C9orf152: variants seen among roughly 807,000 people sequenced by gnomAD.
The protein encoded by C9orf152 is uncharacterized protein C9orf152.
C9orf152 carries 8 observed loss-of-function variants against 8.5 expected under a neutral mutation model. That is an observed-to-expected ratio of 0.94 (90% confidence interval 0.55 to 1.70). The LOEUF is 1.70. C9orf152 is among the 40% of genes most tolerant of loss of function. The pLI, the probability that C9orf152 is intolerant of heterozygous loss-of-function variation, is 0.00. For synonymous variants in C9orf152, 109 were observed against 113.0 expected, an observed-to-expected ratio of 0.96 and a Z score of 0.22; for missense variants, 293 against 286.2, an observed-to-expected ratio of 1.02 and a Z score of -0.17.
intron 1 of C9orf152, among the ~76,000 whole-genome samples, chr9:110,206,694 A>G (rs1277372528): frequency 3.3e-5 from 5 of 152,230 alleles, no homozygotes; most frequent in Admixed American, 3.3e-4. Context: ...TGAACTCTAC[A>G]AATAACCACA....
rs140515292 is a variant in C9orf152 at position 110,207,418 on chromosome 9, C to G, written c.162G>C (p.Arg54Ser). The G allele has an allele frequency of 2.8e-4, 454 of 1,613,096 alleles. No homozygotes were observed. The African/African-American group carries it at 5.5e-3, about 20-fold the overall frequency. The change falls in exon 1 of 2, where the codon AGG becomes AGC. Residue 54 changes from arginine to serine, a missense_variant. By Grantham distance (110) the Arg-to-Ser change is moderately radical (BLOSUM62 -1). Coordinates refer to ENST00000400613, the MANE Select transcript of C9orf152 (RefSeq NM_001012993.3). ...AQYEGLKRQQRTQAHLLVLPK... is the reference protein window; with the variant it reads ...AQYEGLKRQQSTQAHLLVLPK... ...GAAGCACCAGGAGGTGGGCCTGGGT[C>G]CTCTGCTGCCTCTTCAAGCCTTCAT...
Position 110,207,485 on chromosome 9 carries a change from C to T in C9orf152, c.95G>A (p.Gly32Glu), listed in dbSNP as rs766304180. The part of the protein sequence containing the change: ...MAEGSRTQAP[G>E]KGPPLSIQFL... Reference sequence around the variant, plus strand: ...CTGGATGCTGAGTGGGGGCCCTTTCCCAGGGGCCTGAGTCCTGGAGCCCTC... The same window carrying T: ...CTGGATGCTGAGTGGGGGCCCTTTCTCAGGGGCCTGAGTCCTGGAGCCCTC... Residue 32 changes from glycine (G) to glutamate (E), a missense_variant, in exon 1 of 2, where the codon GGG becomes GAG. Gly to Glu is a moderately conservative substitution (Grantham distance 98). Coordinates refer to ENST00000400613, the MANE Select transcript of C9orf152 (RefSeq NM_001012993.3). The T allele has an allele frequency of 1.2e-6, 2 of 1,613,470 alleles. No homozygotes were observed. Among genetic ancestry groups the T allele is most frequent in the African/African-American group, 1.3e-5 (1 of 75,004 alleles).
At chr9:110,203,382 G>GGA (rs1837243357) in intron 1 of C9orf152, among the ~76,000 whole-genome samples, 3 of 152,162 alleles carry the variant, frequency 2.0e-5, no homozygotes, top group Non-Finnish European at 4.4e-5. Flanking sequence ...AAGGAAGGAG[G>GGA]GAGACACAAT....
rs555407834 is a variant in C9orf152 at position 110,203,313 on chromosome 9, G to A, written c.194-1839C>T. Among the ~76,000 whole-genome samples the A allele has an allele frequency of 2.1e-4, 32 of 152,190 alleles. No individual in the cohort carries two copies. The East Asian group carries it at 5.0e-3, about 24-fold the overall frequency. On this transcript the variant is annotated intron_variant, in intron 1 of 1. Coordinates refer to ENST00000400613, the MANE Select transcript of C9orf152 (RefSeq NM_001012993.3). ...GCTTGGATTACAGGCGTGAGCCACC[G>A]CGGCCAGCCAAAGGAAACTTTTATA...
rs1451948143 is a variant in C9orf152 at position 110,207,527 on chromosome 9, C to A, written c.53G>T (p.Arg18Met). 1.2e-6 allele frequency: 2 copies of A among 1,609,598 alleles called. No individual in the cohort carries two copies. Among genetic ancestry groups the A allele is most frequent in the Non-Finnish European group, 1.7e-6 (2 of 1,178,308 alleles). Residue 18 changes from arginine (R) to methionine (M), a missense_variant, in exon 1 of 2, where the codon AGG (arginine) becomes ATG (methionine). By Grantham distance (91) the Arg-to-Met change is moderately conservative (BLOSUM62 -1). Transcript: ENST00000400613. ...GGAGCCCTCAGCCATTAAGTGAGACCTAAGCTGCCAGAAGTGGGGCAGGGC... is the reference window on the plus strand; with the variant it reads ...GGAGCCCTCAGCCATTAAGTGAGACATAAGCTGCCAGAAGTGGGGCAGGGC... ...CPALPHFWQL[R>M]SHLMAEGSRT...
intron 1 of C9orf152, 32 bp downstream of exon 1, chr9:110,207,355 T>A: frequency 6.3e-7 from 1 of 1,598,284 alleles, no homozygotes; most frequent in Non-Finnish European, 8.5e-7. Context: ...CCATGGTAAG[T>A]CTCTCCTTCC....
chr9:110,207,658 G>A lies in C9orf152; in HGVS notation c.-79C>T, dbSNP rs1170554257. 2 of 1,110,548 alleles carry A rather than the reference G, an allele frequency of 1.8e-6. No individual in the cohort carries two copies. The highest frequency in any genetic ancestry group is 2.5e-6 in the Non-Finnish European group (2 of 807,672). The allele number at this position is 1,110,548 out of a possible 1,614,324, so 68.8% of individuals were successfully genotyped here. A position where few individuals can be genotyped will look rare whatever the true frequency, so the allele number is the denominator to read the frequency against. On this transcript the variant is annotated 5_prime_UTR_variant, in exon 1 of 2. Transcript: ENST00000400613. ...GAGAGAGAGGGAGGGGGCAGTGAGG[G>A]AGAAGGAGAAGTGACGGGCAAAAGG...
Position 110,200,876 on chromosome 9 carries a change from C to A in C9orf152, c.*72G>T. 9 of 1,459,280 alleles carry A rather than the reference C, an allele frequency of 6.2e-6. No homozygotes were observed. Among genetic ancestry groups the A allele is most frequent in the Non-Finnish European group, 7.4e-6 (8 of 1,082,186 alleles). The allele number at this position is 1,459,280 out of a possible 1,614,324, so 90.4% of individuals were successfully genotyped here. A position where few individuals can be genotyped will look rare whatever the true frequency, so the allele number is the denominator to read the frequency against. ...CTCATAGCTAGAGACCTCGTTGTGG[C>A]TCTGCCTCCTTGGTTCTTCTATAAG... On this transcript the variant is annotated 3_prime_UTR_variant, in exon 2 of 2. Coordinates refer to ENST00000400613, the MANE Select transcript of C9orf152 (RefSeq NM_001012993.3).
chr9:110,203,011 C>CTTT (rs557519165), intron 1 of C9orf152, among the ~76,000 whole-genome samples: 2 of 98,644 alleles, frequency 2.0e-5, no homozygotes, highest in African/African-American at 4.2e-5. Flanking sequence ...GAAGAAAACA[C>CTTT]TTTTTTTTTT....
At chr9:110,201,824 A>G (rs1396794061) in intron 1 of C9orf152, among the ~76,000 whole-genome samples, 1 of 152,184 alleles carries the variant, frequency 6.6e-6, no homozygotes, top group African/African-American at 2.4e-5. Context: ...TTGAGTAGAG[A>G]CAAAATTGCA....
intron 1 of C9orf152, among the ~76,000 whole-genome samples, chr9:110,203,330 AC>A (rs1407192602): frequency 3.9e-5 from 6 of 152,162 alleles, no homozygotes. Context: ...GCCAAAGGAA[AC>A]TTTTATAAAT....
chr9:110,207,883 G>T lies in C9orf152; in HGVS notation c.-304C>A. The T allele has an allele frequency of 3.0e-6, 1 of 331,516 alleles. No homozygotes were observed. The highest frequency in any genetic ancestry group is 5.4e-6 in the Non-Finnish European group (1 of 183,592). The allele number at this position is 331,516 out of a possible 1,614,324, so 20.5% of individuals were successfully genotyped here. A position where few individuals can be genotyped will look rare whatever the true frequency, so the allele number is the denominator to read the frequency against. ...GAAAGACTGGAGGAAGGAGGTGATA[G>T]TGACAAGCGGGGATTAATGGGGCGA... On this transcript the variant is annotated 5_prime_UTR_variant, in exon 1 of 2. Transcript: ENST00000400613.
chr9:110,207,733 G>C lies in C9orf152; in HGVS notation c.-154C>G, dbSNP rs1306182902. On this transcript the variant is annotated 5_prime_UTR_variant, in exon 1 of 2. Transcript: ENST00000400613. ...AGGAAGGAGATAGAAAAATAAGGGG[G>C]AAGGAGAAAGATGAAGGGGAAGAGG... 2 of 556,602 alleles carry C rather than the reference G, an allele frequency of 3.6e-6. No individual in the cohort carries two copies. Among genetic ancestry groups the C allele is most frequent in the African/African-American group, 4.0e-5 (2 of 50,330 alleles). 34.5% of individuals were successfully genotyped at this position (556,602 alleles called of 1,614,324 possible).
chr9:110,206,132 A>G (rs1837272109), intron 1 of C9orf152, among the ~76,000 whole-genome samples: 1 of 152,050 alleles, frequency 6.6e-6, no homozygotes, highest in Admixed American at 6.6e-5. Context: ...GGAGGTCAGA[A>G]GTCTTCTCGG....
Position 110,200,713 on chromosome 9 carries a change from C to T in C9orf152, c.*235G>A, listed in dbSNP as rs1196699530. The stretch of plus-strand genomic sequence containing the variant: ...ATAGTAATGTCAGAATGGGGCTGCA[C>T]TGACCAGACAGTCCTCTTCATCCTA... On this transcript the variant is annotated 3_prime_UTR_variant, in exon 2 of 2. Transcript: ENST00000400613. The T allele has an allele frequency of 2.2e-5, 11 of 509,932 alleles. No individual in the cohort carries two copies. The highest frequency in any genetic ancestry group is 3.8e-5 in the Non-Finnish European group (11 of 290,220). 31.6% of individuals were successfully genotyped at this position (509,932 alleles called of 1,614,324 possible). A position where few individuals can be genotyped will look rare whatever the true frequency, so the allele number is the denominator to read the frequency against.
chr9:110,207,365 C>G, intron 1 of C9orf152, 22 bp downstream of exon 1: 1 of 1,606,738 alleles, frequency 6.2e-7, no homozygotes. Flanking sequence ...TCTCTCCTTC[C>G]CCAGCACCTG....
rs1315741451 is a variant in C9orf152 at position 110,200,324 on chromosome 9, C to G, written c.*624G>C. Reference sequence around the variant, plus strand: ...AGATGATTAGCCCTTTCTAAAGACCCCTTAAAGACACAAAATGGTAGGTAG... The same window carrying G: ...AGATGATTAGCCCTTTCTAAAGACCGCTTAAAGACACAAAATGGTAGGTAG... On this transcript the variant is annotated 3_prime_UTR_variant, in exon 2 of 2. Transcript: ENST00000400613. 6.6e-6 allele frequency: 1 copy of G among 152,148 alleles called. No individual in the cohort carries two copies. Among genetic ancestry groups the G allele is most frequent in the African/African-American group, 2.4e-5 (1 of 41,362 alleles). The allele number at this position is 152,148 out of a possible 1,614,324, so 9.4% of individuals were successfully genotyped here.
At chr9:110,206,933 A>T (rs2118506583) in intron 1 of C9orf152, among the ~76,000 whole-genome samples, 1 of 152,308 alleles carries the variant, frequency 6.6e-6, no homozygotes, top group East Asian at 1.9e-4. Context: ...TTGAGGCTGG[A>T]TGAGCCTGGG....
intron 1 of C9orf152, among the ~76,000 whole-genome samples, chr9:110,202,268 G>C (rs1203973813): frequency 1.3e-5 from 2 of 152,156 alleles, no homozygotes; most frequent in African/African-American, 4.8e-5. Context: ...TTTTAGTAGA[G>C]ACATGATTTT....
Sources: gnomAD v4.1 joint callset for allele counts (sites outside exome capture counted in the v4.1 genomes callset) on GRCh38, gnomAD v4.1.1 for gene constraint, MANE v1.5 for transcripts, NCBI Gene and HGNC (gene_info 2026-07-23, HGNC 2026-07-21) for gene names.